Variants in CCSER1 observed in about 807,000 individuals in gnomAD.
CCSER1 encodes the protein serine-rich coiled-coil domain-containing protein 1.
A neutral mutation model predicts 82.0 loss-of-function variants in CCSER1; 41 were observed. That is an observed-to-expected ratio of 0.50 (90% CI 0.39 to 0.65). The LOEUF (loss-of-function observed/expected upper bound fraction) is 0.65. Ranked by LOEUF, CCSER1 falls within the 30% of genes least tolerant of loss-of-function variation. CCSER1 has a pLI of 0.00. For missense variants in CCSER1, 1,119 were observed against 1,064.2 expected (o/e 1.05, Z -0.72); for synonymous variants, 414 against 383.9 (o/e 1.08, Z -0.92).
At chr4:91,446,365 T>A (rs1210284679) in intron 10 of CCSER1, among the ~76,000 whole-genome samples, 1 of 152,056 alleles carries the variant, frequency 6.6e-6, no homozygotes, top group Non-Finnish European at 1.5e-5. Context: ...CCAAGTTTTC[T>A]ATACAGTGAG....
At chr4:91,291,129 C>G (rs981052755) in intron 10 of CCSER1, among the ~76,000 whole-genome samples, 3 of 151,580 alleles carry the variant, frequency 2.0e-5, no homozygotes, top group African/African-American at 7.3e-5. Flanking sequence ...TGTAAGCACC[C>G]AAGACGGTGC....
At chr4:90,630,602 TATCAAC>T (rs1040496296) in intron 6 of CCSER1, among the ~76,000 whole-genome samples, 1 of 152,036 alleles carries the variant, frequency 6.6e-6, no homozygotes, top group African/African-American at 2.4e-5. Context: ...GGGTCTTTAT[TATCAAC>T]AGGGAAAAGC....
intron 1 of CCSER1, chr4:90,235,281 TA>T (rs1290858662): frequency 1.8e-4 from 28 of 152,406 alleles, no homozygotes; most frequent in African/African-American, 6.5e-4. Flanking sequence ...TCATTACCTG[TA>T]GATCCTTTGC....
At chr4:90,142,920 C>T (rs1371463015) in intron 1 of CCSER1, among the ~76,000 whole-genome samples, 2 of 151,946 alleles carry the variant, frequency 1.3e-5, no homozygotes, top group Non-Finnish European at 2.9e-5. Flanking sequence ...ATATTTATTG[C>T]CCAGTTTTTC....
At chr4:90,193,379 A>G (rs796283681) in intron 1 of CCSER1, among the ~76,000 whole-genome samples, 2 of 152,244 alleles carry the variant, frequency 1.3e-5, no homozygotes, top group African/African-American at 4.8e-5. Context: ...CCAGAAGATC[A>G]TTCCCTAGTA....
intron 10 of CCSER1, among the ~76,000 whole-genome samples, chr4:91,342,682 A>C (rs932525739): frequency 6.6e-6 from 1 of 151,996 alleles, no homozygotes. Flanking sequence ...GAAATTCCTG[A>C]CTCCAGGAAC....
At chr4:90,171,639 GTGGGGAT>G (rs1731695949) in intron 1 of CCSER1, among the ~76,000 whole-genome samples, 1 of 151,916 alleles carries the variant, frequency 6.6e-6, no homozygotes, top group Non-Finnish European at 1.5e-5. Context: ...ATTACAGTCT[GTGGGGAT>G]TAGTATATTG....
chr4:91,195,272 A>G (rs1735316508), intron 10 of CCSER1, among the ~76,000 whole-genome samples: 1 of 152,212 alleles, frequency 6.6e-6, no homozygotes, highest in Admixed American at 6.5e-5. Context: ...CTATCATTGG[A>G]TGTGCTCTGC....
intron 10 of CCSER1, among the ~76,000 whole-genome samples, chr4:91,210,575 A>G (rs1438143141): frequency 1.3e-5 from 2 of 151,762 alleles, no homozygotes; most frequent in African/African-American, 2.4e-5. Flanking sequence ...CCAAATAAGC[A>G]TAATATGAAT....
intron 5 of CCSER1, among the ~76,000 whole-genome samples, chr4:90,574,124 T>C (rs1389664998): frequency 6.6e-6 from 1 of 151,888 alleles, no homozygotes; most frequent in Non-Finnish European, 1.5e-5. Context: ...AACAAATTGG[T>C]TAGTTTTTCT....
chr4:90,429,913 AT>A (rs1190187212), intron 4 of CCSER1, among the ~76,000 whole-genome samples: 1 of 151,872 alleles, frequency 6.6e-6, no homozygotes, highest in Non-Finnish European at 1.5e-5. Flanking sequence ...CATTTTAAAA[AT>A]TTTGTTTCAT....
intron 10 of CCSER1, among the ~76,000 whole-genome samples, chr4:91,402,882 T>A (rs1204834749): frequency 6.6e-6 from 1 of 152,236 alleles, no homozygotes; most frequent in Non-Finnish European, 1.5e-5. Context: ...ATGAGTGCTC[T>A]TTTTTGGTTC....
intron 10 of CCSER1, among the ~76,000 whole-genome samples, chr4:91,497,496 T>A: frequency 6.6e-6 from 1 of 151,838 alleles, no homozygotes; most frequent in South Asian, 2.1e-4. Flanking sequence ...TAATCTGTAA[T>A]GTTTAACATT....
At chr4:90,281,762 A>G (rs1728909237) in intron 1 of CCSER1, among the ~76,000 whole-genome samples, 1 of 152,104 alleles carries the variant, frequency 6.6e-6, no homozygotes, top group South Asian at 2.1e-4. Flanking sequence ...TTAAAAAGAT[A>G]TCTATAGATT....
At chr4:90,612,029 C>G (rs1009055028) in intron 5 of CCSER1, among the ~76,000 whole-genome samples, 1 of 151,484 alleles carries the variant, frequency 6.6e-6, no homozygotes, top group African/African-American at 2.4e-5. Context: ...CTTTGATTTT[C>G]TTTTAAATGA....
intron 1 of CCSER1, among the ~76,000 whole-genome samples, chr4:90,263,687 G>A (rs1052978577): frequency 6.6e-6 from 1 of 152,158 alleles, no homozygotes; most frequent in Non-Finnish European, 1.5e-5. Context: ...CTGGCACAGA[G>A]GCAGTGGGAT....
At chr4:90,533,775 T>C (rs1354404330) in intron 5 of CCSER1, among the ~76,000 whole-genome samples, 2 of 152,226 alleles carry the variant, frequency 1.3e-5, no homozygotes, top group Non-Finnish European at 2.9e-5. Flanking sequence ...TTCTATATCA[T>C]TGTATTTTTA....
intron 10 of CCSER1, among the ~76,000 whole-genome samples, chr4:91,437,417 G>C (rs1560669862): frequency 1.3e-5 from 2 of 152,140 alleles, no homozygotes; most frequent in African/African-American, 2.4e-5. Flanking sequence ...CGTAATTATA[G>C]ATCAAACAGC....
chr4:91,440,655 C>T (rs111943461), intron 10 of CCSER1, among the ~76,000 whole-genome samples: 3 of 152,022 alleles, frequency 2.0e-5, no homozygotes, highest in African/African-American at 7.2e-5. Context: ...CACAAAAAAC[C>T]CTTCAAAAAA....
Sources: gnomAD v4.1 joint callset for allele counts (sites outside exome capture counted in the v4.1 genomes callset) on GRCh38, gnomAD v4.1.1 for gene constraint, MANE v1.5 for transcripts, NCBI Gene and HGNC (gene_info 2026-07-23, HGNC 2026-07-21) for gene names.